Variants in AGBL1 observed in about 807,000 individuals in gnomAD.
AGBL1 encodes the protein cytosolic carboxypeptidase 4.
A neutral mutation model predicts 118.9 loss-of-function variants in AGBL1; 130 were observed. That is an observed-to-expected ratio of 1.09 (90% CI 0.95 to 1.26). The LOEUF (loss-of-function observed/expected upper bound fraction) is 1.26, where lower values mean the gene tolerates loss of function less well. Ranked by LOEUF, AGBL1 falls within the 50% of genes most tolerant of loss-of-function variation. The probability of loss-of-function intolerance (pLI) is 0.00; values close to 1 mark genes in which losing one functional copy is unlikely to be tolerated. For missense variants in AGBL1, 1,584 were observed against 1,298.1 expected (o/e 1.22, Z -3.38); for synonymous variants, 555 against 478.9 (o/e 1.16, Z -2.08).
intron 1 of AGBL1, among the ~76,000 whole-genome samples, chr15:86,115,709 G>A (rs961436749): frequency 8.6e-5 from 13 of 152,016 alleles, no homozygotes; most frequent in Admixed American, 2.6e-4. Context: ...GCTATCTCTC[G>A]GGTTCTCTTT....
chr15:86,551,278 A>G (rs1201707368), intron 20 of AGBL1, among the ~76,000 whole-genome samples: 1 of 152,126 alleles, frequency 6.6e-6, no homozygotes, highest in Non-Finnish European at 1.5e-5. Flanking sequence ...TCCATAAAGA[A>G]CATGCTTTTC....
intron 18 of AGBL1, among the ~76,000 whole-genome samples, chr15:86,513,900 T>C (rs2083083510): frequency 6.6e-6 from 1 of 152,082 alleles, no homozygotes; most frequent in Admixed American, 6.6e-5. Context: ...GTCTCCATTA[T>C]TTAAAAATAC....
intron 18 of AGBL1, among the ~76,000 whole-genome samples, chr15:86,461,615 G>A (rs1405261766): frequency 6.6e-6 from 1 of 151,920 alleles, no homozygotes; most frequent in Non-Finnish European, 1.5e-5. Context: ...ATATATAAGT[G>A]CCATGTAATT....
chr15:86,779,307 C>T (rs996956101), intron 22 of AGBL1, among the ~76,000 whole-genome samples: 2 of 152,350 alleles, frequency 1.3e-5, no homozygotes, highest in Non-Finnish European at 2.9e-5. Context: ...TCTTGAACTT[C>T]TCAGTCCCCA....
chr15:86,336,150 A>C (rs1035137194), intron 17 of AGBL1, among the ~76,000 whole-genome samples: 7 of 152,226 alleles, frequency 4.6e-5, no homozygotes, highest in African/African-American at 1.4e-4. Context: ...TGCCCTAGGC[A>C]TTTAGGACTA....
At chr15:86,298,824 C>T (rs984261863) in intron 17 of AGBL1, among the ~76,000 whole-genome samples, 5 of 152,088 alleles carry the variant, frequency 3.3e-5, no homozygotes, top group African/African-American at 7.2e-5. Context: ...AATAAGACCA[C>T]GGCTATGGAA....
chr15:86,709,958 G>A (rs1284198119), intron 22 of AGBL1, among the ~76,000 whole-genome samples: 1 of 152,118 alleles, frequency 6.6e-6, no homozygotes, highest in Admixed American at 6.6e-5. Context: ...CTCTTTTTAT[G>A]TTTATTGCTG....
At chr15:86,443,854 A>G (rs538656027) in intron 18 of AGBL1, among the ~76,000 whole-genome samples, 1 of 113,534 alleles carries the variant, frequency 8.8e-6, no homozygotes, top group South Asian at 3.4e-4. Context: ...CCATTCATTG[A>G]TAGACACTTG....
In AGBL1 at chr15:86,256,107, G is replaced by T. The variant is rs572034842; in HGVS notation, c.736-746G>T. 1.5e-3 allele frequency among the ~76,000 whole-genome samples: 229 copies of T among 152,312 alleles called. 5 individuals carry two copies. The South Asian group carries it at 0.046, about 30-fold the overall frequency. On this transcript the variant is annotated intron_variant, in intron 7 of 22. Transcript: ENST00000614907. ...ATTTACAAAGATACTGAAGAAAATG[G>T]TTGTGTTTTTGCCAAAGAGATACTG...
chr15:86,177,607 A>C (rs2077498454), intron 5 of AGBL1, among the ~76,000 whole-genome samples: 2 of 152,228 alleles, frequency 1.3e-5, no homozygotes, highest in African/African-American at 4.8e-5. Context: ...TTCTATGACC[A>C]CAAGGAAATT....
intron 14 of AGBL1, among the ~76,000 whole-genome samples, chr15:86,271,335 TAC>T (rs937115898): frequency 5.3e-5 from 8 of 152,078 alleles, no homozygotes; most frequent in African/African-American, 1.7e-4. Flanking sequence ...GTGCTGGTAT[TAC>T]AGGCATGAGC....
chr15:86,594,547 A>T (rs2084381275), intron 21 of AGBL1, among the ~76,000 whole-genome samples: 1 of 152,196 alleles, frequency 6.6e-6, no homozygotes, highest in African/African-American at 2.4e-5. Context: ...CTTTGTGGGA[A>T]TGCTTTTTAT....
At chr15:86,353,549 T>A (rs1054179401) in intron 17 of AGBL1, among the ~76,000 whole-genome samples, 3 of 151,674 alleles carry the variant, frequency 2.0e-5, no homozygotes, top group African/African-American at 7.3e-5. Context: ...CCATTCCAAT[T>A]TCTTCACATT....
chr15:86,481,811 C>T (rs888412035), intron 18 of AGBL1, among the ~76,000 whole-genome samples: 4 of 152,228 alleles, frequency 2.6e-5, no homozygotes, highest in South Asian at 2.1e-4. Flanking sequence ...TTGTTGTTCA[C>T]CCTTCTGAAA....
chr15:86,265,258 A>G (rs1166362174), intron 11 of AGBL1, among the ~76,000 whole-genome samples: 1 of 152,194 alleles, frequency 6.6e-6, no homozygotes, highest in Non-Finnish European at 1.5e-5. Context: ...GCTAATAGAA[A>G]GGAGGAGGTG....
At chr15:86,584,726 T>C (rs2142338918) in intron 21 of AGBL1, among the ~76,000 whole-genome samples, 2 of 152,204 alleles carry the variant, frequency 1.3e-5, no homozygotes, top group Admixed American at 1.3e-4. Flanking sequence ...AAAAATGATA[T>C]TGGTAGTTTG....
chr15:86,828,396 C>G (rs1237759480), intron 22 of AGBL1, among the ~76,000 whole-genome samples: 1 of 145,546 alleles, frequency 6.9e-6, no homozygotes, highest in East Asian at 2.1e-4. Context: ...AGTGTAGAAT[C>G]TCGAGATGGG....
At chr15:86,301,179 C>A (rs1220802006) in intron 17 of AGBL1, among the ~76,000 whole-genome samples, 2 of 152,132 alleles carry the variant, frequency 1.3e-5, no homozygotes. Context: ...CTGGACATTT[C>A]TGTTTTTGTA....
intron 5 of AGBL1, among the ~76,000 whole-genome samples, chr15:86,167,725 TG>T (rs2077361639): frequency 6.6e-6 from 1 of 152,136 alleles, no homozygotes; most frequent in South Asian, 2.1e-4. Context: ...CTCAGTTGGC[TG>T]GGAAGGAAAG....
Sources: allele counts gnomAD v4.1 joint callset (sites outside exome capture counted in the v4.1 genomes callset), GRCh38; gene constraint gnomAD v4.1.1; transcripts MANE v1.5; gene names NCBI Gene and HGNC (gene_info 2026-07-23, HGNC 2026-07-21).